RHOBTB1: variants seen among roughly 807,000 people sequenced by gnomAD.
RHOBTB1 encodes rho-related BTB domain-containing protein 1.
In RHOBTB1, 40 loss-of-function variants were observed where a neutral mutation model predicts 71.6. The observed-to-expected ratio is 0.56, with a 90% CI of 0.43 to 0.73. RHOBTB1 has a LOEUF of 0.73. Among genes scored for constraint, RHOBTB1 ranks in the 30% least tolerant of loss-of-function variants. The pLI is 0.00. For synonymous variants in RHOBTB1, 319 were observed against 334.9 expected, an observed-to-expected ratio of 0.95 and a Z score of 0.52; for missense variants, 797 against 894.0, an observed-to-expected ratio of 0.89 and a Z score of 1.38.
At position 60,877,985 on chromosome 10, in the gene RHOBTB1, G is replaced by C; in HGVS notation, c.1649C>G (p.Pro550Arg). 1 of 1,613,816 alleles carries C rather than the reference G, an allele frequency of 6.2e-7. No homozygotes were observed. The highest frequency in any genetic ancestry group is 8.5e-7 in the Non-Finnish European group (1 of 1,179,760). Residue 550 changes from proline to arginine, a missense_variant, in exon 8 of 11, where the codon CCT (proline) becomes CGT (arginine). Transcript: ENST00000337910. ...LDYLYTKQLS[P>R]NLDLDPLELI... ...TTCCAGCGGGTCCAGATCCAAGTTA[G>C]GAGACAACTGCTTGGTATAGAGATA...
chr10:60,884,618 TGTG>T (rs1034362847), intron 7 of RHOBTB1, among the ~76,000 whole-genome samples: 4 of 152,056 alleles, frequency 2.6e-5, no homozygotes, highest in African/African-American at 7.2e-5. Flanking sequence ...AATAAGAAAA[TGTG>T]GTACTTATAC....
chr10:60,969,218 T>G (rs1435315450), intron 2 of RHOBTB1, among the ~76,000 whole-genome samples: 3 of 152,054 alleles, frequency 2.0e-5, no homozygotes, highest in Non-Finnish European at 4.4e-5. Flanking sequence ...ACAAAAAACC[T>G]AAACCCAACT....
chr10:60,905,449 C>CAAAAAAAAAAAAAAA (rs35538782), intron 4 of RHOBTB1, among the ~76,000 whole-genome samples: 3 of 48,988 alleles, frequency 6.1e-5, no homozygotes, highest in African/African-American at 7.8e-5. Flanking sequence ...GACTCTTTCT[C>CAAAAAAAAAAAAAAA]AAAAAAAAAA....
chr10:60,931,718 G>C (rs2084267368), intron 2 of RHOBTB1, among the ~76,000 whole-genome samples: 1 of 151,848 alleles, frequency 6.6e-6, no homozygotes, highest in Admixed American at 6.6e-5. Context: ...TATATATAAA[G>C]CATAGAGAGC....
At chr10:60,913,755 C>G (rs1047857500) in intron 2 of RHOBTB1, among the ~76,000 whole-genome samples, 6 of 152,138 alleles carry the variant, frequency 3.9e-5, no homozygotes, top group African/African-American at 1.4e-4. Context: ...GGTTGTGAAA[C>G]CCTGCCTTAG....
downstream of RHOBTB1, among the ~76,000 whole-genome samples, chr10:60,864,610 CTTTT>C (rs1193723260): frequency 6.6e-6 from 1 of 151,416 alleles, no homozygotes; most frequent in South Asian, 2.1e-4. Flanking sequence ...ATTTTTCTTT[CTTTT>C]TTTTTCTTTT....
At chr10:60,955,927 T>G (rs1319750369) in intron 2 of RHOBTB1, among the ~76,000 whole-genome samples, 1 of 152,226 alleles carries the variant, frequency 6.6e-6, no homozygotes, top group Non-Finnish European at 1.5e-5. Context: ...CTCAACACAT[T>G]GAACTACTAT....
intron 2 of RHOBTB1, among the ~76,000 whole-genome samples, chr10:60,921,006 G>T (rs2083532778): frequency 6.7e-6 from 1 of 149,184 alleles, no homozygotes; most frequent in Admixed American, 6.7e-5. Context: ...AAGCTGGAGT[G>T]CAATCACATG....
chr10:60,926,395 C>T (rs544312175), intron 2 of RHOBTB1, among the ~76,000 whole-genome samples: 1 of 152,142 alleles, frequency 6.6e-6, no homozygotes, highest in African/African-American at 2.4e-5. Flanking sequence ...CCAGTGTTAT[C>T]CTGATACCAC....
At chr10:60,977,204 A>G (rs1349829061) in intron 2 of RHOBTB1, among the ~76,000 whole-genome samples, 1 of 152,080 alleles carries the variant, frequency 6.6e-6, no homozygotes, top group Non-Finnish European at 1.5e-5. Context: ...TAGCTGAGTC[A>G]GTGCTTAGGG....
chr10:60,928,134 G>A (rs183361977), intron 2 of RHOBTB1, among the ~76,000 whole-genome samples: 40 of 152,188 alleles, frequency 2.6e-4, no homozygotes, highest in East Asian at 1.7e-3. Flanking sequence ...TAATCTCACC[G>A]CAGTTAAAAT....
intron 2 of RHOBTB1, among the ~76,000 whole-genome samples, chr10:60,960,143 G>A (rs1057168836): frequency 2.0e-5 from 3 of 152,234 alleles, no homozygotes; most frequent in Middle Eastern, 3.4e-3. Flanking sequence ...AAACAGAAGG[G>A]TAGACATTCT....
chr10:60,904,672 CAG>C (rs770970340), intron 4 of RHOBTB1, among the ~76,000 whole-genome samples: 13 of 152,328 alleles, frequency 8.5e-5, no homozygotes, highest in Admixed American at 7.2e-4. Flanking sequence ...CCATCTGCCT[CAG>C]AGTCTTCTAG....
intron 4 of RHOBTB1, among the ~76,000 whole-genome samples, chr10:60,908,660 T>A (rs1030946247): frequency 6.6e-6 from 1 of 152,182 alleles, no homozygotes; most frequent in African/African-American, 2.4e-5. Flanking sequence ...TTCTCTCAGT[T>A]TTTTCCATAA....
chr10:60,955,763 C>G (rs555578404), intron 2 of RHOBTB1, among the ~76,000 whole-genome samples: 1 of 152,272 alleles, frequency 6.6e-6, no homozygotes, highest in South Asian at 2.1e-4. Flanking sequence ...GCAAGGGAAA[C>G]AGGAACCCAT....
chr10:60,903,013 C>T (rs2082484052), intron 4 of RHOBTB1, among the ~76,000 whole-genome samples: 1 of 152,142 alleles, frequency 6.6e-6, no homozygotes, highest in Admixed American at 6.5e-5. Context: ...AGCCAATTTT[C>T]CCGCAATACA....
rs2081759004 is a variant in RHOBTB1 at position 60,888,917 on chromosome 10, T to C, written c.751A>G (p.Met251Val). Reference sequence around the variant, plus strand: ...AAACAGGCAGCTTCATTTGTCCCCATGGAAGGACACTCTGGAATTTTGATG... The same window carrying C: ...AAACAGGCAGCTTCATTTGTCCCCACGGAAGGACACTCTGGAATTTTGATG... ...PVIKIPECPS[M>V]GTNEAACLLD... The change falls in exon 6 of 11, where the codon ATG (methionine) becomes GTG (valine). Residue 251 changes from methionine (M) to valine (V), a missense_variant. Physicochemically the swap from Met to Val is conservative, Grantham distance 21. Around this residue, in one of 2 missense-constraint regions of RHOBTB1, gnomAD observed 658 missense variants for 681.5 expected, o/e 0.97. Transcript: ENST00000337910. 1.2e-6 allele frequency: 2 copies of C among 1,614,054 alleles called. No individual in the cohort carries two copies. Among genetic ancestry groups the C allele is most frequent in the Non-Finnish European group, 1.7e-6 (2 of 1,180,016 alleles).
chr10:60,986,433 A>ATATATATATATATATATATATATAAT (rs35572813), intron 1 of RHOBTB1, among the ~76,000 whole-genome samples: 90 of 136,378 alleles, frequency 6.6e-4, no homozygotes, highest in African/African-American at 2.4e-3. Flanking sequence ...ATATATATAA[A>ATATATATATATATATATATATATAAT]ATATATATAG....
At chr10:60,992,280 T>C (rs893526107) in intron 1 of RHOBTB1, among the ~76,000 whole-genome samples, 1 of 152,148 alleles carries the variant, frequency 6.6e-6, no homozygotes, top group African/African-American at 2.4e-5. Context: ...ATGAAACATT[T>C]CACCTGAGCA....
Sources: allele counts gnomAD v4.1 joint callset (sites outside exome capture counted in the v4.1 genomes callset), GRCh38; gene constraint gnomAD v4.1.1; regional missense constraint gnomAD v4.1.1; transcripts MANE v1.5; gene names NCBI Gene and HGNC (gene_info 2026-07-23, HGNC 2026-07-21).